The following KHDRBS2 variants were observed in gnomAD, a reference collection of about 807,000 sequenced individuals.
KHDRBS2 encodes the protein KH domain-containing, RNA-binding, signal transduction-associated protein 2.
Under a neutral mutation model 44.3 loss-of-function variants are expected in KHDRBS2, and 26 were observed. The ratio of observed to expected loss-of-function variants is 0.59; its 90% CI spans 0.43 to 0.81. The LOEUF (loss-of-function observed/expected upper bound fraction) is 0.81, where lower values mean the gene tolerates loss of function less well. KHDRBS2 is among the 40% of genes least tolerant of loss of function. The pLI is 0.00. For missense variants in KHDRBS2, 476 were observed against 433.1 expected, an observed-to-expected ratio of 1.10 and a Z score of -0.88; for synonymous variants, 194 against 151.1, an observed-to-expected ratio of 1.28 and a Z score of -2.08.
At chr6:61,599,394 G>A in the KHDRBS2 span, among the ~76,000 whole-genome samples, 1 of 152,072 alleles carries the variant, frequency 6.6e-6, no homozygotes, top group Admixed American at 6.5e-5. Flanking sequence ...AAGTCCCAGA[G>A]GTAACTTTTA....
chr6:61,935,545 C>T (rs1468009396), intron 4 of KHDRBS2, among the ~76,000 whole-genome samples: 2 of 152,104 alleles, frequency 1.3e-5, no homozygotes, highest in African/African-American at 2.4e-5. Context: ...CAATTACAGT[C>T]ACAGTTAATT....
the KHDRBS2 span, among the ~76,000 whole-genome samples, chr6:61,551,364 G>T: frequency 1.3e-5 from 2 of 152,084 alleles, no homozygotes; most frequent in South Asian, 4.1e-4. Flanking sequence ...AAGCTCTTTA[G>T]TTTAATTAGG....
At chr6:61,721,967 T>A (rs971935676) in intron 7 of KHDRBS2, among the ~76,000 whole-genome samples, 4 of 149,278 alleles carry the variant, frequency 2.7e-5, no homozygotes, top group African/African-American at 9.9e-5. Context: ...ATACCTAATT[T>A]ATTGAGAGTT....
intron 2 of KHDRBS2, among the ~76,000 whole-genome samples, chr6:62,135,566 C>G (rs1333460049): frequency 6.6e-6 from 1 of 152,158 alleles, no homozygotes; most frequent in Non-Finnish European, 1.5e-5. Flanking sequence ...ACCTCCAAAA[C>G]ATATCTGCAC....
chr6:61,787,767 C>T (rs1784034741), intron 6 of KHDRBS2, among the ~76,000 whole-genome samples: 1 of 151,590 alleles, frequency 6.6e-6, no homozygotes, highest in South Asian at 2.1e-4. Flanking sequence ...AAAGTTATTA[C>T]CTTCTTTCTT....
chr6:61,792,582 T>C (rs1784782870), intron 6 of KHDRBS2, among the ~76,000 whole-genome samples: 1 of 151,726 alleles, frequency 6.6e-6, no homozygotes, highest in Admixed American at 6.6e-5. Flanking sequence ...GTGATAGTTT[T>C]TTTTTACTTT....
the KHDRBS2 span, among the ~76,000 whole-genome samples, chr6:61,663,229 A>G: frequency 9.4e-6 from 1 of 106,868 alleles, no homozygotes; most frequent in Non-Finnish European, 1.7e-5. Flanking sequence ...GAAGGGGAAC[A>G]TCACACACCA....
chr6:62,282,844 T>C (rs1470273969), intron 1 of KHDRBS2, among the ~76,000 whole-genome samples: 3 of 152,082 alleles, frequency 2.0e-5, no homozygotes, highest in Non-Finnish European at 2.9e-5. Flanking sequence ...CAAAAAAACA[T>C]ATACATCACT....
At chr6:61,650,237 T>G in the KHDRBS2 span, among the ~76,000 whole-genome samples, 4 of 151,930 alleles carry the variant, frequency 2.6e-5, no homozygotes, top group Non-Finnish European at 5.9e-5. Flanking sequence ...CCTCCCCACC[T>G]CTCATCCCCA....
chr6:61,669,152 C>T, the KHDRBS2 span, among the ~76,000 whole-genome samples: 1 of 150,918 alleles, frequency 6.6e-6, no homozygotes, highest in Non-Finnish European at 1.5e-5. Flanking sequence ...GTACAGGACT[C>T]AATATCTTGA....
chr6:61,965,859 T>A (rs967505222), intron 4 of KHDRBS2, among the ~76,000 whole-genome samples: 1 of 151,984 alleles, frequency 6.6e-6, no homozygotes, highest in Non-Finnish European at 1.5e-5. Flanking sequence ...TTTGAGTGAC[T>A]GCAATAAGTT....
intron 1 of KHDRBS2, among the ~76,000 whole-genome samples, chr6:62,234,635 G>A (rs540072731): frequency 1.3e-5 from 2 of 152,062 alleles, no homozygotes; most frequent in East Asian, 3.9e-4. Flanking sequence ...AGAGTAGTCT[G>A]AGCAAGTTTG....
intron 6 of KHDRBS2, among the ~76,000 whole-genome samples, chr6:61,737,060 C>G (rs1352447685): frequency 6.6e-6 from 1 of 151,994 alleles, no homozygotes; most frequent in Non-Finnish European, 1.5e-5. Flanking sequence ...CTACTCTTAT[C>G]CACTGTCTAG....
At chr6:61,934,490 G>A (rs190913470) in intron 4 of KHDRBS2, among the ~76,000 whole-genome samples, 32 of 152,168 alleles carry the variant, frequency 2.1e-4, no homozygotes, top group Admixed American at 4.6e-4. Context: ...GTCAGTCTAG[G>A]ATACTTATAA....
chr6:61,546,410 C>G, the KHDRBS2 span, among the ~76,000 whole-genome samples: 6 of 152,142 alleles, frequency 3.9e-5, no homozygotes, highest in African/African-American at 1.4e-4. Flanking sequence ...TAAATCCTCA[C>G]ATAATGTCAT....
chr6:61,658,804 T>A, the KHDRBS2 span, among the ~76,000 whole-genome samples: 1 of 151,940 alleles, frequency 6.6e-6, no homozygotes, highest in South Asian at 2.1e-4. Flanking sequence ...TGAATTGTAA[T>A]CATCTTTTGC....
chr6:62,121,926 G>A (rs188178987), intron 2 of KHDRBS2, among the ~76,000 whole-genome samples: 120 of 152,244 alleles, frequency 7.9e-4, no homozygotes, highest in Non-Finnish European at 4.9e-4. Flanking sequence ...CTTCTAAGGC[G>A]AAGGATAAGT....
At chr6:62,067,804 G>C (rs1245082012) in intron 2 of KHDRBS2, among the ~76,000 whole-genome samples, 1 of 151,416 alleles carries the variant, frequency 6.6e-6, no homozygotes, top group Admixed American at 6.6e-5. Flanking sequence ...GTTTTACCTA[G>C]ACTGCACATT....
chr6:61,884,690 G>A (rs1800670929), intron 6 of KHDRBS2, among the ~76,000 whole-genome samples: 1 of 151,996 alleles, frequency 6.6e-6, no homozygotes. Flanking sequence ...CTTTGTTACT[G>A]TTACACTATG....
Sources: gnomAD v4.1 joint callset for allele counts (sites outside exome capture counted in the v4.1 genomes callset) on GRCh38, gnomAD v4.1.1 for gene constraint, MANE v1.5 for transcripts, NCBI Gene and HGNC (gene_info 2026-07-23, HGNC 2026-07-21) for gene names.